AFF2: variants seen among roughly 807,000 people sequenced by gnomAD.
AFF2 encodes AF4/FMR2 family member 2.
In AFF2, 14 loss-of-function variants were observed where a neutral mutation model predicts 76.9. The observed-to-expected ratio is 0.18, with a 90% CI of 0.12 to 0.28. The LOEUF (loss-of-function observed/expected upper bound fraction) is 0.28, where lower values mean the gene tolerates loss of function less well. Among genes scored for constraint, AFF2 ranks in the 10% least tolerant of loss-of-function variants. AFF2 has a pLI of 1.00. For synonymous variants in AFF2, 398 were observed against 366.7 expected, an observed-to-expected ratio of 1.09 and a Z score of -0.98; for missense variants, 868 against 1,001.1, an observed-to-expected ratio of 0.87 and a Z score of 1.79.
At chrX:148,828,741 C>T (rs1229473243) in intron 4 of AFF2, among the ~76,000 whole-genome samples, 1 of 111,426 alleles carries the variant, frequency 9.0e-6, no homozygotes, top group African/African-American at 3.3e-5. Context: ...GTAGAATGCC[C>T]GAGGAGTAAC....
chrX:148,758,619 A>G (rs1382457517), intron 3 of AFF2, among the ~76,000 whole-genome samples: 1 of 111,860 alleles, frequency 8.9e-6, no homozygotes, highest in Admixed American at 9.5e-5. Flanking sequence ...ATTTTCACTT[A>G]TCATTAATTT....
Position 148,639,573 on chromosome X carries a change from A to G in AFF2, c.48-12426A>G, listed in dbSNP as rs1259706400. Among the ~76,000 whole-genome samples the G allele has an allele frequency of 3.6e-5, 4 of 111,808 alleles. No homozygotes were observed. The East Asian group carries it at 8.5e-4, about 24-fold the overall frequency. Reference sequence around the variant, plus strand: ...TAAGCAGAGGCCTCTCACCTCCACAACAGAAAACATTTGTGCCAATGGAAT... The same window carrying G: ...TAAGCAGAGGCCTCTCACCTCCACAGCAGAAAACATTTGTGCCAATGGAAT... On this transcript the variant is annotated intron_variant, in intron 1 of 20. Transcript: ENST00000370460.
chrX:148,886,767 G>A (rs2071164858), intron 8 of AFF2, among the ~76,000 whole-genome samples: 1 of 112,350 alleles, frequency 8.9e-6, no homozygotes. Flanking sequence ...CAGAAGGATT[G>A]CCTTTCTTTA....
intron 8 of AFF2, among the ~76,000 whole-genome samples, chrX:148,893,235 C>T (rs2071244798): frequency 9.0e-6 from 1 of 111,665 alleles, no homozygotes; most frequent in Admixed American, 9.5e-5. Flanking sequence ...CCTTCATATT[C>T]CCAAGATTGT....
chrX:148,824,104 C>T (rs1262779430), intron 4 of AFF2, among the ~76,000 whole-genome samples: 8 of 103,645 alleles, frequency 7.7e-5, no homozygotes, highest in African/African-American at 2.7e-4. Flanking sequence ...ACTCTCTCTT[C>T]CCTGCACTCT....
chrX:148,713,272 G>T (rs1422984226), intron 3 of AFF2, among the ~76,000 whole-genome samples: 1 of 111,523 alleles, frequency 9.0e-6, no homozygotes, highest in Non-Finnish European at 1.9e-5. Flanking sequence ...TAAGGGCCAT[G>T]GATTTTACTC....
chrX:148,958,077 T>C (rs1166703576), intron 11 of AFF2, among the ~76,000 whole-genome samples: 1 of 111,704 alleles, frequency 9.0e-6, no homozygotes, highest in Non-Finnish European at 1.9e-5. Context: ...TGTTGTGAGA[T>C]TCCCATGCCA....
chrX:148,834,417 TTCTGTCTCTC>T (rs1329075199), intron 4 of AFF2, among the ~76,000 whole-genome samples: 3 of 111,189 alleles, frequency 2.7e-5, no homozygotes, highest in South Asian at 3.9e-4. Context: ...AATCCCTGCT[TTCTGTCTCTC>T]TCTGTCTCTC....
chrX:148,628,184 T>TG (rs1230460720), intron 1 of AFF2, among the ~76,000 whole-genome samples: 12 of 111,306 alleles, frequency 1.1e-4, no homozygotes, highest in African/African-American at 3.6e-4. Flanking sequence ...AGACTGGTGA[T>TG]GGGGGGACAA....
intron 1 of AFF2, among the ~76,000 whole-genome samples, chrX:148,567,117 A>G (rs5936402): frequency 0.27 from 29,852 of 110,958 alleles, 3,033 homozygotes; most frequent in Non-Finnish European, 0.3. Flanking sequence ...ATTGATGGAA[A>G]AATAAATGAC....
chrX:148,831,174 G>T lies in AFF2; in HGVS notation c.1087-6473G>T, dbSNP rs113747079. 5.2e-3 allele frequency among the ~76,000 whole-genome samples: 587 copies of T among 111,960 alleles called. 6 individuals are homozygous for T. Among genetic ancestry groups the T allele is most frequent in the African/African-American group, 0.018 (546 of 30,858 alleles). On this transcript the variant is annotated intron_variant, in intron 4 of 20. Coordinates refer to ENST00000370460, the MANE Select transcript of AFF2 (RefSeq NM_002025.4). ...TCCTGTTCTTTTTTCAAGGTGCCCA[G>T]ATTTCATATTGTTCAAACACACATG...
chrX:148,814,422 G>T (rs1173274344), intron 4 of AFF2, among the ~76,000 whole-genome samples: 1 of 112,318 alleles, frequency 8.9e-6, no homozygotes, highest in Non-Finnish European at 1.9e-5. Flanking sequence ...AATCAAAAAT[G>T]CAGATAGAGC....
intron 1 of AFF2, among the ~76,000 whole-genome samples, chrX:148,538,164 T>A (rs2052807293): frequency 8.9e-6 from 1 of 112,942 alleles, no homozygotes; most frequent in Non-Finnish European, 1.9e-5. Context: ...ATCTTGTAAC[T>A]GTTTATTAAG....
In AFF2 at chrX:148,962,780, C is replaced by A. The variant is rs1320504190; in HGVS notation, c.2756C>A (p.Pro919Gln). ...AAACTATTTCCTCCTCCACTTTCCCCACTGCCAGAGGACCCTCCACGCCGC... is the reference window on the plus strand; with the variant it reads ...AAACTATTTCCTCCTCCACTTTCCCAACTGCCAGAGGACCCTCCACGCCGC... The part of the protein sequence containing the change: ...EEKLFPPPLS[P>Q]LPEDPPRRRN... Residue 919 changes from proline (P) to glutamine (Q), a missense_variant, in exon 13 of 21, where the codon CCA (proline) becomes CAA (glutamine). Physicochemically the swap from Pro to Gln is moderately conservative, Grantham distance 76 (BLOSUM62 -1). This residue lies in a region of AFF2 where 532 missense variants were observed against 564.2 expected (regional missense o/e 0.94). Coordinates refer to ENST00000370460, the MANE Select transcript of AFF2 (RefSeq NM_002025.4). 1 of 1,211,039 alleles carries A rather than the reference C, an allele frequency of 8.3e-7. No homozygotes were observed. Among genetic ancestry groups the A allele is most frequent in the Non-Finnish European group, 1.1e-6 (1 of 894,928 alleles).
chrX:148,748,938 C>A (rs782440007), intron 3 of AFF2, among the ~76,000 whole-genome samples: 2 of 111,784 alleles, frequency 1.8e-5, no homozygotes, highest in South Asian at 7.5e-4. Context: ...ATGGTTTTCT[C>A]ACATACATTT....
chrX:148,916,584 G>T (rs2071536154), intron 9 of AFF2, among the ~76,000 whole-genome samples: 1 of 111,594 alleles, frequency 9.0e-6, no homozygotes, highest in Non-Finnish European at 1.9e-5. Context: ...GTAAATAAAA[G>T]CAGTTAATGT....
intron 7 of AFF2, among the ~76,000 whole-genome samples, chrX:148,882,184 G>A (rs1557278564): frequency 1.5e-4 from 17 of 111,656 alleles, no homozygotes. Context: ...GACCTGTCAT[G>A]TCATAGTGCA....
At chrX:148,660,590 G>A (rs1277711695) in intron 2 of AFF2, among the ~76,000 whole-genome samples, 2 of 111,920 alleles carry the variant, frequency 1.8e-5, no homozygotes, top group African/African-American at 6.5e-5. Context: ...ACTATCTTCA[G>A]CAGAGAGTGT....
At chrX:148,542,507 G>A (rs2052870074) in intron 1 of AFF2, among the ~76,000 whole-genome samples, 1 of 111,415 alleles carries the variant, frequency 9.0e-6, no homozygotes, top group South Asian at 3.8e-4. Context: ...CCTATTGCAA[G>A]GTCCAAATGG....
Sources: allele counts gnomAD v4.1 joint callset (sites outside exome capture counted in the v4.1 genomes callset), GRCh38; gene constraint gnomAD v4.1.1; regional missense constraint gnomAD v4.1.1; transcripts MANE v1.5; gene names NCBI Gene and HGNC (gene_info 2026-07-23, HGNC 2026-07-21).